Variants in CPNE4 observed in about 807,000 individuals in gnomAD.
CPNE4 encodes the protein copine 4, also known as copine-4.
Under a neutral mutation model 67.9 loss-of-function variants are expected in CPNE4, and 25 were observed. The observed-to-expected ratio is 0.37, with a 90% CI of 0.27 to 0.51. The LOEUF (loss-of-function observed/expected upper bound fraction) is 0.51, where lower values mean the gene tolerates loss of function less well. Ranked by LOEUF, CPNE4 falls within the 20% of genes least tolerant of loss-of-function variation. The pLI, the probability that CPNE4 is intolerant of heterozygous loss-of-function variation, is 0.93. For synonymous variants in CPNE4, 242 were observed against 244.9 expected, an observed-to-expected ratio of 0.99 and a Z score of 0.11; for missense variants, 464 against 690.8, an observed-to-expected ratio of 0.67 and a Z score of 3.68.
chr3:131,794,567 G>A (rs1440446048), intron 2 of CPNE4, among the ~76,000 whole-genome samples: 7 of 152,152 alleles, frequency 4.6e-5, no homozygotes, highest in Admixed American at 4.6e-4. Context: ...TAGGGATGTG[G>A]TTGACTTTGG....
intron 1 of CPNE4, among the ~76,000 whole-genome samples, chr3:131,932,821 C>T (rs2054317): frequency 0.18 from 26,615 of 151,964 alleles, 2,642 homozygotes; most frequent in East Asian, 0.31. Flanking sequence ...AGTTCGAAAC[C>T]AGCCTGGCCA....
intron 2 of CPNE4, among the ~76,000 whole-genome samples, chr3:131,805,988 C>T (rs992007140): frequency 2.6e-5 from 4 of 152,174 alleles, no homozygotes; most frequent in Admixed American, 6.5e-5. Flanking sequence ...TATAAATAAT[C>T]GGAAATCATG....
At chr3:131,638,311 A>G (rs1358954473) in intron 7 of CPNE4, among the ~76,000 whole-genome samples, 1 of 152,208 alleles carries the variant, frequency 6.6e-6, no homozygotes, top group South Asian at 2.1e-4. Flanking sequence ...CTAACACAGA[A>G]GGACTCACAT....
chr3:132,039,395 AG>A (rs1489366728), upstream of CPNE4: 2 of 152,258 alleles, frequency 1.3e-5, no homozygotes, highest in African/African-American at 4.8e-5. Context: ...GATATCATAA[AG>A]GCAACAACAT....
chr3:132,030,940 C>T (rs917806954), intron 1 of CPNE4, among the ~76,000 whole-genome samples: 1 of 152,104 alleles, frequency 6.6e-6, no homozygotes, highest in Non-Finnish European at 1.5e-5. Context: ...CTTACCTGAC[C>T]CATTTATTGT....
intron 2 of CPNE4, among the ~76,000 whole-genome samples, chr3:131,854,654 C>G (rs2086365820): frequency 6.6e-6 from 1 of 151,866 alleles, no homozygotes; most frequent in African/African-American, 2.4e-5. Context: ...TCTACATTAT[C>G]CATTCTATTA....
chr3:131,847,332 G>A (rs1250370562), intron 2 of CPNE4, among the ~76,000 whole-genome samples: 2 of 152,152 alleles, frequency 1.3e-5, no homozygotes, highest in South Asian at 2.1e-4. Context: ...CAGTAAAGAA[G>A]GGAATTCCCT....
At chr3:131,897,330 C>T (rs575831685) in intron 2 of CPNE4, among the ~76,000 whole-genome samples, 2 of 152,180 alleles carry the variant, frequency 1.3e-5, no homozygotes, top group African/African-American at 4.8e-5. Flanking sequence ...AGTGGGTTAT[C>T]ACAGTCCCTA....
intron 11 of CPNE4, among the ~76,000 whole-genome samples, chr3:131,557,564 T>G (rs770721351): frequency 1.3e-5 from 2 of 152,072 alleles, no homozygotes; most frequent in Non-Finnish European, 2.9e-5. Flanking sequence ...AATCGAAGTC[T>G]AAATTCTCCA....
At chr3:131,898,897 C>CCTCCCCCTTTGATACTTTGGGT (rs1206371933) in intron 2 of CPNE4, among the ~76,000 whole-genome samples, 1 of 152,014 alleles carries the variant, frequency 6.6e-6, no homozygotes, top group Non-Finnish European at 1.5e-5. Context: ...TATAAAGCAA[C>CCTCCCCCTTTGATACTTTGGGT]ATCAAAGTTT....
chr3:131,563,816 T>C (rs1276695254), intron 11 of CPNE4, among the ~76,000 whole-genome samples: 1 of 152,072 alleles, frequency 6.6e-6, no homozygotes, highest in Non-Finnish European at 1.5e-5. Context: ...GATGTAATAA[T>C]GTCTAATAGA....
At chr3:131,973,797 A>G (rs2072570029) in intron 1 of CPNE4, among the ~76,000 whole-genome samples, 1 of 152,246 alleles carries the variant, frequency 6.6e-6, no homozygotes. Context: ...TAATTTGTTT[A>G]TCTACTTAAC....
chr3:131,699,546 C>T (rs561659891), intron 4 of CPNE4, among the ~76,000 whole-genome samples: 22 of 152,162 alleles, frequency 1.4e-4, no homozygotes, highest in Non-Finnish European at 1.8e-4. Context: ...GACGAGGACA[C>T]GTAGCTTTGA....
At chr3:131,913,531 G>A (rs1434681845) in intron 1 of CPNE4, among the ~76,000 whole-genome samples, 1 of 152,182 alleles carries the variant, frequency 6.6e-6, no homozygotes, top group Non-Finnish European at 1.5e-5. Flanking sequence ...GACCCCAGAA[G>A]AGTGTTAATA....
chr3:131,546,282 A>AT (rs1559874369), intron 14 of CPNE4, among the ~76,000 whole-genome samples: 3 of 152,204 alleles, frequency 2.0e-5, no homozygotes. Context: ...GAAATTTCCA[A>AT]TAAAGCAAAC....
At chr3:131,734,933 C>T (rs1264029253) in intron 2 of CPNE4, among the ~76,000 whole-genome samples, 1 of 152,126 alleles carries the variant, frequency 6.6e-6, no homozygotes, top group Non-Finnish European at 1.5e-5. Context: ...ATTTCTGTAA[C>T]TACTCTGGCA....
intron 1 of CPNE4, among the ~76,000 whole-genome samples, chr3:131,978,193 TATA>T (rs1264151965): frequency 1.8e-5 from 1 of 54,468 alleles, no homozygotes; most frequent in Non-Finnish European, 2.8e-5. Context: ...ATAATATATT[TATA>T]ATTATTATAT....
rs796241924 is a variant in CPNE4 at position 131,853,879 on chromosome 3, T to A, written c.180+51385A>T. 2.2e-4 allele frequency among the ~76,000 whole-genome samples: 33 copies of A among 151,978 alleles called. 1 individual carries two copies. Among genetic ancestry groups the A allele is most frequent in the African/African-American group, 7.9e-4 (33 of 41,510 alleles). ...CTAAAATGGCTAAAATGAAAAACAC[T>A]GACAATATCAAATGCTGGCATGCAT... is the stretch of plus-strand genomic sequence containing the variant. On this transcript the variant is annotated intron_variant, in intron 2 of 15. Coordinates refer to ENST00000429747, the MANE Select transcript of CPNE4 (RefSeq NM_130808.3).
rs371038544 is a variant in CPNE4, at chr3:131,546,814, G to T, written c.1302+3133C>A. On this transcript the variant is annotated intron_variant, in intron 14 of 15. Transcript: ENST00000429747. ...CAATTTTTAAACTGGGCCCCAGGGA[G>T]CCCTTAGGGATGCCTTGGATGCTCT... Among the ~76,000 whole-genome samples, 11 of 152,278 alleles carry T rather than the reference G, an allele frequency of 7.2e-5. No individual in the cohort carries two copies. In the South Asian group the frequency reaches 1.5e-3, roughly 20 times the overall value.
Sources: allele counts gnomAD v4.1 joint callset (sites outside exome capture counted in the v4.1 genomes callset), GRCh38; gene constraint gnomAD v4.1.1; transcripts MANE v1.5; gene names NCBI Gene and HGNC (gene_info 2026-07-23, HGNC 2026-07-21).